The following EXT2 variants were observed in gnomAD, a reference collection of about 807,000 sequenced individuals.
EXT2 encodes the protein exostosin-2.
Under a neutral mutation model 81.6 loss-of-function variants are expected in EXT2, and 53 were observed. The observed-to-expected ratio is 0.65, with a 90% confidence interval of 0.52 to 0.82. EXT2 has a LOEUF of 0.82. Among genes scored for constraint, EXT2 ranks in the 40% least tolerant of loss-of-function variants. The probability of loss-of-function intolerance (pLI) is 0.00; values close to 1 mark genes in which losing one functional copy is unlikely to be tolerated. For synonymous variants in EXT2, 320 were observed against 340.0 expected, an observed-to-expected ratio of 0.94 and a Z score of 0.65; for missense variants, 774 against 910.2, an observed-to-expected ratio of 0.85 and a Z score of 1.93.
At chr11:44,225,617 A>G (rs1955830480) in intron 10 of EXT2, among the ~76,000 whole-genome samples, 1 of 152,204 alleles carries the variant, frequency 6.6e-6, no homozygotes, top group African/African-American at 2.4e-5. Flanking sequence ...TGACATCATA[A>G]TCTGACTTCT....
At chr11:44,130,432 C>G (rs1274791745) in intron 7 of EXT2, among the ~76,000 whole-genome samples, 1 of 152,162 alleles carries the variant, frequency 6.6e-6, no homozygotes, top group East Asian at 1.9e-4. Flanking sequence ...AGGTGATAGT[C>G]GTAGTGACTA....
At chr11:44,188,034 G>A (rs1025299469) in intron 8 of EXT2, among the ~76,000 whole-genome samples, 1 of 152,152 alleles carries the variant, frequency 6.6e-6, no homozygotes, top group African/African-American at 2.4e-5. Context: ...AAAGACTTCT[G>A]TCCCTGGCTT....
At chr11:44,243,885 C>G (rs200767053) in intron 13 of EXT2, among the ~76,000 whole-genome samples, 1 of 152,094 alleles carries the variant, frequency 6.6e-6, no homozygotes, top group African/African-American at 2.4e-5. Context: ...AGGCCCGTGG[C>G]CTCCAAGCAG....
At chr11:44,112,538 TCCA>T in intron 3 of EXT2, among the ~76,000 whole-genome samples, 2 of 152,182 alleles carry the variant, frequency 1.3e-5, no homozygotes, top group Non-Finnish European at 2.9e-5. Flanking sequence ...CAATATTTTC[TCCA>T]TTATAATGTA....
At chr11:44,119,559 G>T (rs192136478) in intron 4 of EXT2, among the ~76,000 whole-genome samples, 1 of 152,166 alleles carries the variant, frequency 6.6e-6, no homozygotes, top group African/African-American at 2.4e-5. Flanking sequence ...TGCCTGGCAC[G>T]TGCCAAACTT....
intron 7 of EXT2, among the ~76,000 whole-genome samples, chr11:44,150,406 C>A (rs1158528572): frequency 6.6e-6 from 1 of 152,030 alleles, no homozygotes; most frequent in Non-Finnish European, 1.5e-5. Context: ...TACATTCTTA[C>A]ATATTTTTAG....
At chr11:44,127,011 A>C (rs1048524090) in intron 6 of EXT2, 56 bp downstream of exon 6, 2 of 1,600,056 alleles carry the variant, frequency 1.2e-6, no homozygotes, top group Admixed American at 3.3e-5. Context: ...TATTACAAAT[A>C]AAATCTCCTC....
chr11:44,109,719 A>G (rs766263254), intron 3 of EXT2, among the ~76,000 whole-genome samples: 1 of 152,088 alleles, frequency 6.6e-6, no homozygotes, highest in Non-Finnish European at 1.5e-5. Context: ...TGTTGTTTCA[A>G]TCAGTAGGGT....
intron 8 of EXT2, among the ~76,000 whole-genome samples, chr11:44,197,572 G>T (rs969776096): frequency 6.6e-6 from 1 of 152,144 alleles, no homozygotes; most frequent in African/African-American, 2.4e-5. Flanking sequence ...ATAAACGCAT[G>T]CTTTAATCTG....
At chr11:44,145,521 C>T (rs1007679012) in intron 7 of EXT2, among the ~76,000 whole-genome samples, 5 of 152,082 alleles carry the variant, frequency 3.3e-5, no homozygotes, top group African/African-American at 1.2e-4. Flanking sequence ...ATCATGAGCT[C>T]ACATTTCACA....
intron 10 of EXT2, among the ~76,000 whole-genome samples, chr11:44,231,411 T>G (rs1955897396): frequency 6.6e-6 from 1 of 152,214 alleles, no homozygotes; most frequent in African/African-American, 2.4e-5. Flanking sequence ...CGTGTTAGGT[T>G]TGTTTATCCA....
At chr11:44,207,085 T>A in intron 10 of EXT2, 126 bp downstream of exon 10, 1 of 1,093,720 alleles carries the variant, frequency 9.1e-7, no homozygotes, top group East Asian at 2.5e-5. Flanking sequence ...TCCAGTAGAG[T>A]CCAAAAGGTG....
chr11:44,245,590 A>G lies in EXT2; in HGVS notation c.*1303A>G, dbSNP rs1043931514. On this transcript the variant is annotated 3_prime_UTR_variant, in exon 14 of 14. Transcript: ENST00000533608. Reference sequence around the variant, plus strand: ...CATATGTCCCCAAAACACAAAATACATAACAATTTGCTTAGAATATGGATA... The same window carrying G: ...CATATGTCCCCAAAACACAAAATACGTAACAATTTGCTTAGAATATGGATA... Among the ~76,000 whole-genome samples the G allele has an allele frequency of 7.2e-5, 11 of 152,246 alleles. No individual in the cohort carries two copies. Among genetic ancestry groups the G allele is most frequent in the Non-Finnish European group, 1.6e-4 (11 of 68,046 alleles).
chr11:44,114,360 G>C, intron 4 of EXT2, 59 bp downstream of exon 4: 1 of 1,476,128 alleles, frequency 6.8e-7, no homozygotes. Context: ...ATGTTGATGA[G>C]GTTTAGTGTG....
At chr11:44,203,761 T>C (rs1955548465) in intron 9 of EXT2, among the ~76,000 whole-genome samples, 1 of 139,418 alleles carries the variant, frequency 7.2e-6, no homozygotes. Flanking sequence ...CAGGCACTAC[T>C]GGAGCAAGAA....
At chr11:44,109,604 T>TAG (rs1232788674) in intron 3 of EXT2, among the ~76,000 whole-genome samples, 4 of 152,162 alleles carry the variant, frequency 2.6e-5, no homozygotes, top group Non-Finnish European at 5.9e-5. Flanking sequence ...TTGCCACAAG[T>TAG]AGATGCACAG....
Position 44,247,440 on chromosome 11 carries a change from C to CA in EXT2, c.*3154dup, listed in dbSNP as rs1956105299. ...AATTTGTTTGTAATTTTAGTAGAGG[C>CA]AGGGTTTCACCACGTTAGCCAGGCT... On this transcript the variant is annotated 3_prime_UTR_variant, in exon 14 of 14. Coordinates refer to ENST00000533608, the MANE Select transcript of EXT2 (RefSeq NM_207122.2). Among the ~76,000 whole-genome samples the CA allele has an allele frequency of 6.5e-5, 2 of 30,818 alleles. No individual in the cohort carries two copies. The highest frequency in any genetic ancestry group is 1.8e-4 in the African/African-American group (2 of 11,226). 20.2% of individuals were successfully genotyped at this position (30,818 alleles called of 152,430 possible).
chr11:44,228,080 G>A (rs1955857620), intron 10 of EXT2, among the ~76,000 whole-genome samples: 1 of 152,210 alleles, frequency 6.6e-6, no homozygotes, highest in African/African-American at 2.4e-5. Context: ...GCCACAAATG[G>A]AAGGACTATC....
chr11:44,100,847 G>A (rs1177377503), intron 1 of EXT2, among the ~76,000 whole-genome samples: 1 of 152,156 alleles, frequency 6.6e-6, no homozygotes, highest in African/African-American at 2.4e-5. Flanking sequence ...CGAGAACTTT[G>A]AATTCCCAGA....
Sources: gnomAD v4.1 joint callset for allele counts (sites outside exome capture counted in the v4.1 genomes callset) on GRCh38, gnomAD v4.1.1 for gene constraint, MANE v1.5 for transcripts, NCBI Gene and HGNC (gene_info 2026-07-23, HGNC 2026-07-21) for gene names.